Variants in NHERF2 observed in about 807,000 individuals in gnomAD.
The protein encoded by NHERF2 is Na(+)/H(+) exchange regulatory cofactor NHE-RF2.
the NHERF2 span, among the ~76,000 whole-genome samples, chr16:2,028,204 C>G: frequency 6.6e-6 from 1 of 152,246 alleles, no homozygotes; most frequent in Non-Finnish European, 1.5e-5. Flanking sequence ...CAGGTTGGTT[C>G]AGCTGGACCT....
chr16:2,037,588 C>A, the NHERF2 span: 1 of 1,612,856 alleles, frequency 6.2e-7, no homozygotes, highest in Non-Finnish European at 8.5e-7. Flanking sequence ...CTGGTTCCGA[C>A]AAGGACACTG....
chr16:2,038,243 CAGAGAGAGACAG>C, the NHERF2 span: 1 of 569,160 alleles, frequency 1.8e-6, no homozygotes, highest in Non-Finnish European at 3.1e-6. Context: ...GAGAGAGACA[CAGAGAGAGACAG>C]AGAGAGAGCG....
the NHERF2 span, chr16:2,036,663 C>T: frequency 6.3e-7 from 1 of 1,585,720 alleles, no homozygotes; most frequent in South Asian, 1.1e-5. Context: ...GATGCCACAC[C>T]TGGCCACGCG....
At chr16:2,036,295 G>C in the NHERF2 span, 63 of 1,577,600 alleles carry the variant, frequency 4.0e-5, no homozygotes, top group East Asian at 4.1e-4. Context: ...GCTGGAGCAA[G>C]AGACTGACCC....
At chr16:2,036,914 G>A in the NHERF2 span, 176 of 1,587,326 alleles carry the variant, frequency 1.1e-4, no homozygotes, top group Admixed American at 3.6e-4. Flanking sequence ...GGGTGGGTGC[G>A]GTGTGGTGGC....
chr16:2,035,322 T>G, the NHERF2 span: 1 of 833,186 alleles, frequency 1.2e-6, no homozygotes, highest in Non-Finnish European at 1.4e-6. Flanking sequence ...GCTGGAGGGG[T>G]TGGGGGTGTC....
chr16:2,036,679 G>A, the NHERF2 span: 2 of 1,599,046 alleles, frequency 1.3e-6, no homozygotes, highest in Non-Finnish European at 1.7e-6. Context: ...ACGCGGCGTT[G>A]GGGGCTGTCT....
the NHERF2 span, among the ~76,000 whole-genome samples, chr16:2,029,203 A>G: frequency 1.3e-5 from 2 of 152,234 alleles, no homozygotes; most frequent in East Asian, 1.9e-4. Flanking sequence ...GCATGCGCGC[A>G]CAGGGACAGG....
chr16:2,038,355 C>G, the NHERF2 span: 1 of 463,330 alleles, frequency 2.2e-6, no homozygotes, highest in African/African-American at 2.0e-5. Flanking sequence ...GCTTTTTTTC[C>G]AAAAAGATCT....
chr16:2,033,846 C>T, the NHERF2 span, among the ~76,000 whole-genome samples: 1 of 152,204 alleles, frequency 6.6e-6, no homozygotes, highest in Admixed American at 6.5e-5. Context: ...GTGCTGCCAG[C>T]AGCCCACCCT....
chr16:2,033,316 C>T, the NHERF2 span: 59 of 1,532,934 alleles, frequency 3.8e-5, 1 homozygote, highest in Middle Eastern at 1.1e-3. Flanking sequence ...CCACCCCGGC[C>T]GGACGCCTGC....
At chr16:2,032,834 T>G in the NHERF2 span, 1 of 996,330 alleles carries the variant, frequency 1.0e-6, no homozygotes, top group Admixed American at 5.6e-5. The surrounding 1 kb of genome is among the most constrained non-coding windows in gnomAD (Gnocchi z 4.0). Context: ...GCCCTGGAGG[T>G]GGTGGCAGAC....
the NHERF2 span, among the ~76,000 whole-genome samples, chr16:2,029,059 G>A: frequency 2.0e-5 from 3 of 152,300 alleles, no homozygotes; most frequent in South Asian, 2.1e-4. Flanking sequence ...AAGGCCTAGG[G>A]TCAGGAGTTT....
chr16:2,036,949 C>T, the NHERF2 span: 1,091 of 1,562,030 alleles, frequency 7.0e-4, 2 homozygotes, highest in Non-Finnish European at 9.2e-4. Flanking sequence ...CACGCTGTCC[C>T]CACAGGTCCT....
the NHERF2 span, chr16:2,026,914 C>T: frequency 2.6e-6 from 1 of 387,892 alleles, no homozygotes; most frequent in Non-Finnish European, 3.5e-6. Context: ...ACAGGAGCCG[C>T]CGCTGAAGCC....
the NHERF2 span, chr16:2,029,823 C>A: frequency 6.8e-7 from 1 of 1,477,176 alleles, no homozygotes; most frequent in Non-Finnish European, 9.2e-7. Context: ...CTAGCCTCTC[C>A]CAGAGGCTCT....
the NHERF2 span, among the ~76,000 whole-genome samples, chr16:2,032,503 G>A: frequency 2.6e-5 from 4 of 152,376 alleles, no homozygotes; most frequent in African/African-American, 2.4e-5. The surrounding 1 kb of genome is among the most constrained non-coding windows in gnomAD (Gnocchi z 4.0). Flanking sequence ...TGGGGGCACT[G>A]GTGGCAGAGA....
the NHERF2 span, among the ~76,000 whole-genome samples, chr16:2,027,881 G>A: frequency 2.0e-5 from 3 of 152,222 alleles, no homozygotes; most frequent in African/African-American, 7.2e-5. Flanking sequence ...GTGTGTCTGG[G>A]ACCGGGCTGA....
chr16:2,037,528 G>C, the NHERF2 span: 6 of 1,608,712 alleles, frequency 3.7e-6, no homozygotes, highest in African/African-American at 1.3e-5. Context: ...ATCTGCCCTT[G>C]GTTTCCCAGC....
Sources: gnomAD v4.1 joint callset for allele counts (sites outside exome capture counted in the v4.1 genomes callset) on GRCh38, gnomAD v4.1.1 for gene constraint, Gnocchi (gnomAD v3.1) non-coding constraint, MANE v1.5 for transcripts, NCBI Gene and HGNC (gene_info 2026-07-23, HGNC 2026-07-21) for gene names.